The following ZNF442 variants were observed in gnomAD, a reference collection of about 807,000 sequenced individuals.
The protein encoded by ZNF442 is zinc finger protein 442.
Under a neutral mutation model 57.0 loss-of-function variants are expected in ZNF442, and 45 were observed. The observed-to-expected ratio is 0.79, with a 90% CI of 0.62 to 1.01. The LOEUF (loss-of-function observed/expected upper bound fraction) is 1.01, where lower values mean the gene tolerates loss of function less well. Ranked by LOEUF, ZNF442 falls within the 50% of genes least tolerant of loss-of-function variation. The pLI, the probability that ZNF442 is intolerant of heterozygous loss-of-function variation, is 0.00. For synonymous variants in ZNF442, 213 were observed against 241.8 expected (o/e 0.88, Z 1.10); for missense variants, 690 against 756.5 (o/e 0.91, Z 1.03).
rs774626529 is a variant in ZNF442 at position 12,351,006 on chromosome 19, C to T, written c.579G>A (p.Ser193=). The T allele has an allele frequency of 9.3e-6, 15 of 1,613,808 alleles. No individual in the cohort carries two copies. Among genetic ancestry groups the T allele is most frequent in the Middle Eastern group, 1.6e-4 (1 of 6,084 alleles). ...CTATTATGTGTCTTCGAAGGTTTCC[C>T]GAAGAACTGAAGGTTTTCCCACATT... The part of the protein sequence containing the change: ...CKECGKTFSS[S]GNLRRHIIVQ... The change falls in exon 6 of 6, where the codon TCG becomes TCA. Residue 193 remains serine, a synonymous_variant. Coordinates refer to ENST00000242804, the MANE Select transcript of ZNF442 (RefSeq NM_030824.3).
chr19:12,365,503 GC>G, intron 1 of ZNF442, 29 bp downstream of exon 1: 4 of 553,272 alleles, frequency 7.2e-6, no homozygotes, highest in South Asian at 1.8e-5. Flanking sequence ...CCTTCGCCCT[GC>G]CCCAGGACGC....
intron 1 of ZNF442, 121 bp from the exon 2 acceptor site, chr19:12,365,364 C>G (rs1969514787): frequency 4.4e-6 from 1 of 225,496 alleles, no homozygotes; most frequent in Non-Finnish European, 9.0e-6. Flanking sequence ...GCCCAGCCCC[C>G]AGCTCCCACC....
upstream of ZNF442, among the ~76,000 whole-genome samples, chr19:12,366,817 TA>T (rs1969537420): frequency 6.6e-6 from 1 of 152,142 alleles, no homozygotes; most frequent in South Asian, 2.1e-4. Flanking sequence ...TGTATTTTAG[TA>T]GAGACAGGGT....
At position 12,365,108 on chromosome 19, in the gene ZNF442, C is replaced by G. The variant is rs1195513142; in HGVS notation, c.-347G>C. 1 of 152,974 alleles carries G rather than the reference C, an allele frequency of 6.5e-6. No homozygotes were observed. Among genetic ancestry groups the G allele is most frequent in the Admixed American group, 6.5e-5 (1 of 15,288 alleles). 9.5% of individuals were successfully genotyped at this position (152,974 alleles called of 1,614,324 possible). A position where few individuals can be genotyped will look rare whatever the true frequency, so the allele number is the denominator to read the frequency against. On this transcript the variant is annotated 5_prime_UTR_variant, in exon 2 of 6. Coordinates refer to ENST00000242804, the MANE Select transcript of ZNF442 (RefSeq NM_030824.3). ...CCCCTGTCCAGACCCCTAAACACCC[C>G]CATCCCCAAACCTCTCATGGAGGCG... is the stretch of plus-strand genomic sequence containing the variant.
upstream of ZNF442, among the ~76,000 whole-genome samples, chr19:12,370,376 G>C (rs1969570994): frequency 6.6e-6 from 1 of 152,014 alleles, no homozygotes; most frequent in African/African-American, 2.4e-5. Flanking sequence ...TAATGTGAGT[G>C]ATGGGAAGTG....
At position 12,350,196 on chromosome 19, in the gene ZNF442, A is replaced by C. The variant is rs772479058; in HGVS notation, c.1389T>G (p.Cys463Trp). The change falls in exon 6 of 6, where the codon TGT becomes TGG. Residue 463 changes from cysteine (C) to tryptophan (W), a missense_variant. Coordinates refer to ENST00000242804, the MANE Select transcript of ZNF442 (RefSeq NM_030824.3). ...AATCAATAAAGGCTTTCCCACATTT[A>C]CATTTATAGGGTTTCTCTCCAGTGT... Reference protein sequence around the residue: ...TTHTGEKPYKCKCGKAFIDFY... With the variant: ...TTHTGEKPYKWKCGKAFIDFY... 8 of 1,613,776 alleles carry C rather than the reference A, an allele frequency of 5.0e-6. No homozygotes were observed. The highest frequency in any genetic ancestry group is 6.8e-6 in the Non-Finnish European group (8 of 1,179,888).
At chr19:12,362,277 G>A (rs1337735711) in intron 3 of ZNF442, among the ~76,000 whole-genome samples, 2 of 151,768 alleles carry the variant, frequency 1.3e-5, no homozygotes, top group South Asian at 2.1e-4. Flanking sequence ...GAAGTGAGGA[G>A]CATCTCTGCC....
chr19:12,365,480 G>C (rs1019556569), intron 1 of ZNF442, 53 bp downstream of exon 1: 2 of 456,292 alleles, frequency 4.4e-6, no homozygotes, highest in African/African-American at 4.3e-5. Flanking sequence ...GGTTCTGGCC[G>C]GTTCCAACCA....
In ZNF442 at chr19:12,350,105, C is replaced by T. The variant is rs761466335; in HGVS notation, c.1480G>A (p.Gly494Arg). The change falls in exon 6 of 6, where the codon GGG (glycine) becomes AGG (arginine). Residue 494 changes from glycine (G) to arginine (R), a missense_variant. Coordinates refer to ENST00000242804, the MANE Select transcript of ZNF442 (RefSeq NM_030824.3). ...TATGTGAAACAACTGAATGCTTTCCCACATTCCTTACACTCATATGGCTTC... is the reference window on the plus strand; with the variant it reads ...TATGTGAAACAACTGAATGCTTTCCTACATTCCTTACACTCATATGGCTTC... Reference protein sequence around the residue: ...GEKPYECKECGKAFSCFTYLS... With the variant: ...GEKPYECKECRKAFSCFTYLS... 1.9e-6 allele frequency: 3 copies of T among 1,613,554 alleles called. No individual in the cohort carries two copies. The highest frequency in any genetic ancestry group is 2.7e-5 in the African/African-American group (2 of 74,772).
Position 12,363,547 on chromosome 19 carries a change from T to C in ZNF442, c.78+7A>G, listed in dbSNP as rs1190789397. The C allele has an allele frequency of 6.2e-7, 1 of 1,613,830 alleles. No individual in the cohort carries two copies. Among genetic ancestry groups the C allele is most frequent in the Non-Finnish European group, 8.5e-7 (1 of 1,179,824 alleles). On this transcript the variant is annotated splice_region_variant and intron_variant, in intron 3 of 5. Transcript: ENST00000242804. ...CAACTGGAATGAGTGGGTTCTCCAG[T>C]GCTTACATATTGTTTTCTCTCTTCA...
chr19:12,351,345 A>T, intron 5 of ZNF442, 27 bp from the exon 6 acceptor site: 1 of 1,570,908 alleles, frequency 6.4e-7, no homozygotes, highest in Admixed American at 1.9e-5. Context: ...GTATATTAAT[A>T]AAGGTTTATT....
At chr19:12,372,575 T>C in the ZNF442 span, among the ~76,000 whole-genome samples, 3 of 152,356 alleles carry the variant, frequency 2.0e-5, no homozygotes, top group South Asian at 4.1e-4. Flanking sequence ...ATTCAACTCA[T>C]GAATTTATGT....
At chr19:12,370,659 A>G (rs1045266636), upstream of ZNF442, among the ~76,000 whole-genome samples, 9 of 152,110 alleles carry the variant, frequency 5.9e-5, no homozygotes, top group African/African-American at 1.9e-4. Context: ...CTAGGAAAAA[A>G]AAATGTTATC....
At chr19:12,369,490 C>T (rs954388560), upstream of ZNF442, among the ~76,000 whole-genome samples, 5 of 152,018 alleles carry the variant, frequency 3.3e-5, no homozygotes, top group Non-Finnish European at 7.4e-5. Context: ...TGGTGGTGCA[C>T]GCCTATAATC....
At chr19:12,351,843 C>T in intron 5 of ZNF442, 167 bp downstream of exon 5, 1 of 580,450 alleles carries the variant, frequency 1.7e-6, no homozygotes, top group Middle Eastern at 2.8e-4. Context: ...TTTTTGCAAA[C>T]ACTGAATAGT....
chr19:12,349,713 T>G lies in ZNF442; in HGVS notation c.1872A>C (p.Arg624Ser), dbSNP rs748760869. 1 of 1,604,000 alleles carries G rather than the reference T, an allele frequency of 6.2e-7. No homozygotes were observed. The highest frequency in any genetic ancestry group is 1.7e-5 in the Admixed American group (1 of 57,744). Residue 624 changes from arginine (R) to serine (S), a missense_variant, in exon 6 of 6, where the codon AGA becomes AGC. By Grantham distance (110) the Arg-to-Ser change is moderately radical. Coordinates refer to ENST00000242804, the MANE Select transcript of ZNF442 (RefSeq NM_030824.3). ...TGCTTTTCCACATTTATAGAGTATC[T>G]CTCCAGTGAGTCCTTTTATGTCTAT... Reference protein sequence around the residue: ...SLHRHKRTHWRDTL With the variant: ...SLHRHKRTHWSDTL
At chr19:12,373,513 G>A in the ZNF442 span, 1 of 153,550 alleles carries the variant, frequency 6.5e-6, no homozygotes, top group Admixed American at 6.5e-5. Context: ...TTACACTCCA[G>A]CCTGGGTGAC....
chr19:12,360,817 T>G lies in ZNF442; in HGVS notation c.78+2737A>C, dbSNP rs944498506. ...ATCACATAAACCTGAGAGGTGATGC[T>G]CGCAGTAAGCCAAGATTGTGCCATT... On this transcript the variant is annotated intron_variant, in intron 3 of 5. Coordinates refer to ENST00000242804, the MANE Select transcript of ZNF442 (RefSeq NM_030824.3). Among the ~76,000 whole-genome samples, 11 of 152,102 alleles carry G rather than the reference T, an allele frequency of 7.2e-5. 1 individual carries two copies. The highest frequency in any genetic ancestry group is 2.2e-4 in the African/African-American group (9 of 41,422).
upstream of ZNF442, among the ~76,000 whole-genome samples, chr19:12,368,809 G>A (rs569815283): frequency 1.3e-4 from 20 of 152,220 alleles, no homozygotes; most frequent in Admixed American, 2.6e-4. Context: ...TTCCACACGC[G>A]GTGAGCAGCC....
Sources: gnomAD v4.1 joint callset for allele counts (sites outside exome capture counted in the v4.1 genomes callset) on GRCh38, gnomAD v4.1.1 for gene constraint, MANE v1.5 for transcripts, NCBI Gene and HGNC (gene_info 2026-07-23, HGNC 2026-07-21) for gene names.